Variants in CREB5 observed in about 807,000 individuals in gnomAD.
The protein encoded by CREB5 is cyclic AMP-responsive element-binding protein 5.
In CREB5, 19 loss-of-function variants were observed where a neutral mutation model predicts 57.1. The observed-to-expected ratio is 0.33, with a 90% CI of 0.23 to 0.49. The LOEUF (loss-of-function observed/expected upper bound fraction) is 0.49. Among genes scored for constraint, CREB5 ranks in the 20% least tolerant of loss-of-function variants. The pLI is 0.99. For missense variants in CREB5, 579 were observed against 671.6 expected (o/e 0.86, Z 1.52); for synonymous variants, 238 against 238.3 (o/e 1.00, Z 0.01).
chr7:28,574,440 A>G (rs1189385334), intron 5 of CREB5, among the ~76,000 whole-genome samples: 1 of 152,222 alleles, frequency 6.6e-6, no homozygotes, highest in Non-Finnish European at 1.5e-5. Flanking sequence ...CATCTAAGAC[A>G]TTTTTGTAGG....
intron 1 of CREB5, among the ~76,000 whole-genome samples, chr7:28,337,442 T>C (rs1394865392): frequency 3.3e-5 from 5 of 152,162 alleles, no homozygotes; most frequent in Non-Finnish European, 7.4e-5. Flanking sequence ...TTTATCATTA[T>C]ATAATGACTT....
chr7:28,813,257 C>T (rs1809235620), intron 9 of CREB5, among the ~76,000 whole-genome samples: 1 of 152,164 alleles, frequency 6.6e-6, no homozygotes, highest in Non-Finnish European at 1.5e-5. Context: ...CAAAGAAATC[C>T]ATGTTCTTTT....
At chr7:28,667,347 G>C (rs1021828251) in intron 5 of CREB5, among the ~76,000 whole-genome samples, 2 of 151,092 alleles carry the variant, frequency 1.3e-5, no homozygotes, top group African/African-American at 4.9e-5. Context: ...AAAATGCTAT[G>C]TGACCCCTTA....
intron 5 of CREB5, among the ~76,000 whole-genome samples, chr7:28,593,568 A>G (rs1458705763): frequency 6.6e-6 from 1 of 152,150 alleles, no homozygotes; most frequent in East Asian, 1.9e-4. Context: ...TTTTATACAC[A>G]CATAGAAGAT....
chr7:28,800,006 T>C (rs1218306873), intron 7 of CREB5, among the ~76,000 whole-genome samples: 1 of 152,244 alleles, frequency 6.6e-6, no homozygotes, highest in African/African-American at 2.4e-5. Flanking sequence ...GTGTATCATA[T>C]GTATCAGGCT....
chr7:28,413,430 A>T (rs1265485977), intron 1 of CREB5, among the ~76,000 whole-genome samples: 1 of 152,184 alleles, frequency 6.6e-6, no homozygotes, highest in Admixed American at 6.5e-5. Context: ...AAGAAGTATA[A>T]TAAAACTCAC....
In CREB5 at chr7:28,412,838, T is replaced by TCTGTTTC; in HGVS notation, c.-77_-76insCTGTTTC. On this transcript the variant is annotated 5_prime_UTR_variant, in exon 1 of 11. Transcript: ENST00000357727. ...CTAATCTTGCTGGTGAAACAGAAGTTACTAGAAAGAAAGGAAGAAAAAACT... is the reference window on the plus strand; with the variant it reads ...CTAATCTTGCTGGTGAAACAGAAGTTCTGTTTCACTAGAAAGAAAGGAAGAAAAAACT... 1 of 1,334,552 alleles carries TCTGTTTC rather than the reference T, an allele frequency of 7.5e-7. No individual in the cohort carries two copies. The highest frequency in any genetic ancestry group is 1.0e-6 in the Non-Finnish European group (1 of 996,984). 82.7% of individuals were successfully genotyped at this position (1,334,552 alleles called of 1,614,324 possible). A position where few individuals can be genotyped will look rare whatever the true frequency, so the allele number is the denominator to read the frequency against.
In CREB5 at chr7:28,784,252, C is replaced by T. The variant is rs989668809; in HGVS notation, c.703-19947C>T. 2.0e-5 allele frequency among the ~76,000 whole-genome samples: 3 copies of T among 152,346 alleles called. No homozygotes were observed. In the South Asian group the frequency reaches 6.2e-4, roughly 32 times the overall value. On this transcript the variant is annotated intron_variant, in intron 7 of 10. Transcript: ENST00000357727. ...TTGCCTGCAGGGCCTGCGAGAGAGA[C>T]AGCTTGACACAGGAATCCTTTGGCT...
At chr7:28,550,654 C>A (rs1794601066) in intron 4 of CREB5, among the ~76,000 whole-genome samples, 4 of 152,130 alleles carry the variant, frequency 2.6e-5, no homozygotes. Flanking sequence ...TTGGGCTGTC[C>A]CCAGTCAGGT....
chr7:28,603,543 A>G (rs1167705522), intron 5 of CREB5, among the ~76,000 whole-genome samples: 3 of 152,202 alleles, frequency 2.0e-5, no homozygotes, highest in African/African-American at 7.2e-5. Context: ...GAATACATTT[A>G]GCAGGCTGTG....
chr7:28,536,047 A>G (rs1353267737), intron 4 of CREB5, among the ~76,000 whole-genome samples: 2 of 152,136 alleles, frequency 1.3e-5, no homozygotes, highest in African/African-American at 4.8e-5. Context: ...GTGCCTGCTG[A>G]AGTATTTATT....
chr7:28,334,221 T>A (rs1046728248), intron 1 of CREB5, among the ~76,000 whole-genome samples: 1 of 152,070 alleles, frequency 6.6e-6, no homozygotes, highest in Admixed American at 6.6e-5. Context: ...AATGGTGCAA[T>A]CTTGGCTCAC....
intron 5 of CREB5, among the ~76,000 whole-genome samples, chr7:28,664,378 C>T (rs1799728592): frequency 6.6e-6 from 1 of 152,160 alleles, no homozygotes; most frequent in African/African-American, 2.4e-5. Flanking sequence ...CCTTGTAGGA[C>T]TTTAAGAATA....
Position 28,792,303 on chromosome 7 carries a change from CAA to C in CREB5, c.703-11888_703-11887del, listed in dbSNP as rs201519875. Among the ~76,000 whole-genome samples, 14 of 133,152 alleles carry C rather than the reference CAA, an allele frequency of 1.1e-4. No homozygotes were observed. The East Asian group carries it at 2.6e-3, about 24-fold the overall frequency. The allele number at this position is 133,152 out of a possible 152,430, so 87.4% of individuals were successfully genotyped here. ...TGGATGATAGAGCAAGACTCTGTCT[CAA>C]AAAAAAATTGCCAAATAATAAGTGT... On this transcript the variant is annotated intron_variant, in intron 7 of 10. Coordinates refer to ENST00000357727, the MANE Select transcript of CREB5 (RefSeq NM_182898.4).
At chr7:28,405,260 C>G (rs1315995881) in intron 1 of CREB5, among the ~76,000 whole-genome samples, 1 of 152,178 alleles carries the variant, frequency 6.6e-6, no homozygotes, top group African/African-American at 2.4e-5. Flanking sequence ...CAGCAGCATC[C>G]CTTTCCCCAT....
chr7:28,792,515 A>G (rs1412897146), intron 7 of CREB5, among the ~76,000 whole-genome samples: 1 of 152,172 alleles, frequency 6.6e-6, no homozygotes, highest in African/African-American at 2.4e-5. Context: ...TTGGTTGGAA[A>G]TGCTGTGCAC....
intron 4 of CREB5, among the ~76,000 whole-genome samples, chr7:28,523,742 A>C (rs763560590): frequency 3.7e-4 from 56 of 152,062 alleles, no homozygotes; most frequent in Non-Finnish European, 1.9e-4. Flanking sequence ...TTCTTCCCTC[A>C]TCTTTGACCG....
chr7:28,374,318 T>G (rs1349439498), intron 1 of CREB5, among the ~76,000 whole-genome samples: 2 of 152,140 alleles, frequency 1.3e-5, no homozygotes, highest in Admixed American at 1.3e-4. Context: ...CTCCAAAAAT[T>G]AAACATACAT....
chr7:28,774,337 C>G (rs2128778700), intron 7 of CREB5, among the ~76,000 whole-genome samples: 1 of 152,318 alleles, frequency 6.6e-6, no homozygotes, highest in East Asian at 1.9e-4. Context: ...GGCCATGTCA[C>G]TTCACTCACT....
Sources: gnomAD v4.1 joint callset for allele counts (sites outside exome capture counted in the v4.1 genomes callset) on GRCh38, gnomAD v4.1.1 for gene constraint, MANE v1.5 for transcripts, NCBI Gene and HGNC (gene_info 2026-07-23, HGNC 2026-07-21) for gene names.